KIF26A: variants seen among roughly 807,000 people sequenced by gnomAD.
The protein encoded by KIF26A is kinesin family member 26A.
Under a neutral mutation model 126.0 loss-of-function variants are expected in KIF26A, and 74 were observed. The observed-to-expected ratio is 0.59, with a 90% CI of 0.49 to 0.71. The LOEUF is 0.71. Among genes scored for constraint, KIF26A ranks in the 30% least tolerant of loss-of-function variants. The pLI, the probability that KIF26A is intolerant of heterozygous loss-of-function variation, is 0.00. For synonymous variants in KIF26A, 1,445 were observed against 1,232.7 expected (o/e 1.17, Z -3.61); for missense variants, 2,984 against 2,763.3 (o/e 1.08, Z -1.79).
In KIF26A at chr14:104,168,938, G is replaced by A. The variant is rs2037932113; in HGVS notation, c.1113+1890G>A. Among the ~76,000 whole-genome samples the A allele has an allele frequency of 2.0e-5, 3 of 152,264 alleles. No individual in the cohort carries two copies. The South Asian group carries it at 6.2e-4, about 32-fold the overall frequency. ...CCTGGAAATCTCTTTGCCTAGCACT[G>A]CTGGGGGTCTGCGGGGAACAAGGGG... On this transcript the variant is annotated intron_variant, in intron 5 of 14. Coordinates refer to ENST00000423312, the MANE Select transcript of KIF26A (RefSeq NM_015656.2).
At chr14:104,171,415 C>T (rs892396911) in intron 5 of KIF26A, among the ~76,000 whole-genome samples, 3 of 151,810 alleles carry the variant, frequency 2.0e-5, no homozygotes, top group Non-Finnish European at 2.9e-5. Flanking sequence ...AGGACCTGAG[C>T]GGCTGTCCTC....
chr14:104,166,511 C>T (rs1454278192), intron 4 of KIF26A, among the ~76,000 whole-genome samples: 8 of 152,134 alleles, frequency 5.3e-5, no homozygotes, highest in African/African-American at 7.2e-5. Flanking sequence ...CACTGTCCGA[C>T]CCCCGGCAGC....
In KIF26A at chr14:104,179,885, T is replaced by G; in HGVS notation, c.*95T>G. 3.3e-6 allele frequency: 4 copies of G among 1,201,212 alleles called. No individual in the cohort carries two copies. Among genetic ancestry groups the G allele is most frequent in the South Asian group, 3.5e-5 (2 of 57,902 alleles). 74.4% of individuals were successfully genotyped at this position (1,201,212 alleles called of 1,614,324 possible). ...TGTGGTGGGGGCTGCGGGGGGAGGA[T>G]GCGGAGGGGTTTCTGTGCAGGACGG... On this transcript the variant is annotated 3_prime_UTR_variant, in exon 15 of 15. Transcript: ENST00000423312.
intron 13 of KIF26A, among the ~76,000 whole-genome samples, chr14:104,178,964 G>A (rs898261915): frequency 3.3e-5 from 5 of 152,282 alleles, no homozygotes; most frequent in South Asian, 2.1e-4. Context: ...ACTCCCCTTG[G>A]GCAGTGGGTG....
At chr14:104,145,262 G>A (rs753930160) in intron 2 of KIF26A, among the ~76,000 whole-genome samples, 2 of 152,222 alleles carry the variant, frequency 1.3e-5, no homozygotes, top group Non-Finnish European at 2.9e-5. Flanking sequence ...TTCGTTCACG[G>A]GCGTGCCCTG....
Position 104,173,337 on chromosome 14 carries a change from A to G in KIF26A, c.1691A>G (p.Asn564Ser), listed in dbSNP as rs745737089. 3.1e-6 allele frequency: 5 copies of G among 1,607,114 alleles called. No individual in the cohort carries two copies. Among genetic ancestry groups the G allele is most frequent in the Admixed American group, 3.4e-5 (2 of 59,422 alleles). Reference sequence around the variant, plus strand: ...CCTCTGCCTTTCCTGCAGCTCCAGAACCAAAGCGAGCTGCGGGCACCCACG... The same window carrying G: ...CCTCTGCCTTTCCTGCAGCTCCAGAGCCAAAGCGAGCTGCGGGCACCCACG... ...EDPVCGAQLQNQSELRAPTAE... is the reference protein window; with the variant it reads ...EDPVCGAQLQSQSELRAPTAE... Residue 564 changes from asparagine (N) to serine (S), a missense_variant, in exon 9 of 15, where the codon AAC (asparagine) becomes AGC (serine). Asn to Ser is a conservative substitution (Grantham distance 46). Transcript: ENST00000423312.
chr14:104,166,178 G>GCAGGGGCA (rs1555389004), intron 4 of KIF26A, among the ~76,000 whole-genome samples: 1,892 of 138,582 alleles, frequency 0.014, 54 homozygotes, highest in African/African-American at 0.051. Context: ...GACGAGGGTG[G>GCAGGGGCA]CAGGGGCCCA....
At chr14:104,172,316 G>C (rs76294845) in intron 6 of KIF26A, among the ~76,000 whole-genome samples, 6,639 of 152,346 alleles carry the variant, frequency 0.044, 189 homozygotes, top group Non-Finnish European at 0.063. Flanking sequence ...CTGCCCCTGC[G>C]CCCGGCGGCT....
chr14:104,162,855 C>G (rs914360004), intron 4 of KIF26A, among the ~76,000 whole-genome samples: 1 of 152,170 alleles, frequency 6.6e-6, no homozygotes, highest in Non-Finnish European at 1.5e-5. Context: ...GGGGACCGTC[C>G]TCAGCCCTGC....
chr14:104,138,996 A>G lies in KIF26A; in HGVS notation c.43-47A>G. 4 of 1,323,164 alleles carry G rather than the reference A, an allele frequency of 3.0e-6. No individual in the cohort carries two copies. The South Asian group carries it at 6.4e-5, about 21-fold the overall frequency. 82.0% of individuals were successfully genotyped at this position (1,323,164 alleles called of 1,614,324 possible). A position where few individuals can be genotyped will look rare whatever the true frequency, so the allele number is the denominator to read the frequency against. On this transcript the variant is annotated intron_variant, in intron 1 of 14. Transcript: ENST00000423312. ...CAGGGCGCGCAGGGGTCTGGATCCG[A>G]CGGACGTCCCAGGCTCACTGTCCGC...
chr14:104,165,124 T>C (rs1032762813), intron 4 of KIF26A, among the ~76,000 whole-genome samples: 1 of 148,150 alleles, frequency 6.7e-6, no homozygotes, highest in Non-Finnish European at 1.5e-5. Flanking sequence ...TGTCTCTGCA[T>C]GTATATGTCT....
At chr14:104,143,748 G>A (rs972045181) in intron 2 of KIF26A, among the ~76,000 whole-genome samples, 7 of 152,364 alleles carry the variant, frequency 4.6e-5, no homozygotes, top group East Asian at 1.9e-4. Context: ...AGCCTGGCCC[G>A]GCTTCCACTG....
Position 104,179,347 on chromosome 14 carries a change from G to C in KIF26A, c.5428G>C (p.Gly1810Arg). The change falls in exon 14 of 15, where the codon GGC becomes CGC. Residue 1810 changes from glycine to arginine, a missense_variant. Physicochemically the swap from Gly to Arg is moderately radical, Grantham distance 125. Transcript: ENST00000423312. The stretch of plus-strand genomic sequence containing the variant: ...GTGTGAGGAGCTGGCCGAGACCCAG[G>C]GCCGGCTGATGCTGGAGCCTGGCCG... The part of the protein sequence containing the change: ...HLCEELAETQ[G>R]RLMLEPGRWL... 6.5e-7 allele frequency: 1 copy of C among 1,539,090 alleles called. No individual in the cohort carries two copies. The highest frequency in any genetic ancestry group is 8.7e-7 in the Non-Finnish European group (1 of 1,145,842).
intron 2 of KIF26A, among the ~76,000 whole-genome samples, chr14:104,149,124 C>T (rs2037705006): frequency 6.6e-6 from 1 of 152,172 alleles, no homozygotes; most frequent in Admixed American, 6.5e-5. Flanking sequence ...CGCCTGGTCC[C>T]ATCCAGTGTC....
At position 104,144,636 on chromosome 14, in the gene KIF26A, C is replaced by CT. The variant is rs1282672133; in HGVS notation, c.288+5349dup. Among the ~76,000 whole-genome samples, 6 of 152,294 alleles carry CT rather than the reference C, an allele frequency of 3.9e-5. No homozygotes were observed. The East Asian group carries it at 1.2e-3, about 29-fold the overall frequency. The stretch of plus-strand genomic sequence containing the variant: ...TCTAGTTCTTCTCTTCCTTTGCCTG[C>CT]TAGGAAGCTCACAGCAAATGTGCTG... On this transcript the variant is annotated intron_variant, in intron 2 of 14. Transcript: ENST00000423312.
chr14:104,166,329 G>A (rs1353885042), intron 4 of KIF26A, among the ~76,000 whole-genome samples: 1 of 152,166 alleles, frequency 6.6e-6, no homozygotes, highest in African/African-American at 2.4e-5. Context: ...TGTGGTCACT[G>A]TGCTGGGTGC....
rs372820854 is a variant in KIF26A at position 104,179,401 on chromosome 14, C to T, written c.5467+15C>T. ...GCTGGAGCAGTGTGAGTCCCGCCCG[C>T]CCACGGACCCAGCCCGGCCCACCGT... On this transcript the variant is annotated intron_variant, in intron 14 of 14. Transcript: ENST00000423312. The T allele has an allele frequency of 2.1e-5, 31 of 1,487,972 alleles. No homozygotes were observed. The African/African-American group carries it at 2.1e-4, about 10-fold the overall frequency. 92.2% of individuals were successfully genotyped at this position (1,487,972 alleles called of 1,614,324 possible).
At chr14:104,170,216 T>G (rs1253890826) in intron 5 of KIF26A, among the ~76,000 whole-genome samples, 1 of 152,214 alleles carries the variant, frequency 6.6e-6, no homozygotes, top group Non-Finnish European at 1.5e-5. Context: ...GAAAAAAAAT[T>G]GCCAAAAATT....
intron 2 of KIF26A, among the ~76,000 whole-genome samples, chr14:104,144,583 T>C (rs1026016367): frequency 1.3e-5 from 2 of 152,216 alleles, no homozygotes; most frequent in African/African-American, 4.8e-5. Flanking sequence ...TCAGAAGAGC[T>C]GGTTTTTCCC....
Sources: gnomAD v4.1 joint callset for allele counts (sites outside exome capture counted in the v4.1 genomes callset) on GRCh38, gnomAD v4.1.1 for gene constraint, MANE v1.5 for transcripts, NCBI Gene and HGNC (gene_info 2026-07-23, HGNC 2026-07-21) for gene names.